Variants in WWOX observed in about 807,000 individuals in gnomAD.
WWOX encodes the protein WW domain containing oxidoreductase.
WWOX carries 69 observed loss-of-function variants against 46.2 expected under a neutral mutation model. The observed-to-expected ratio is 1.49, with a 90% CI of 1.23 to 1.82. The LOEUF is 1.82. Ranked by LOEUF, WWOX falls within the 40% of genes most tolerant of loss-of-function variation. The pLI is 0.00. For missense variants in WWOX, 919 were observed against 542.6 expected, an observed-to-expected ratio of 1.69 and a Z score of -6.89; for synonymous variants, 359 against 202.6, an observed-to-expected ratio of 1.77 and a Z score of -6.56.
chr16:78,396,500 C>A (rs1402120939), intron 6 of WWOX, among the ~76,000 whole-genome samples: 1 of 152,166 alleles, frequency 6.6e-6, no homozygotes, highest in African/African-American at 2.4e-5. Flanking sequence ...ACACAACTTT[C>A]CCTTCCATAG....
intron 8 of WWOX, among the ~76,000 whole-genome samples, chr16:78,785,088 C>G (rs776860041): frequency 1.3e-5 from 2 of 152,140 alleles, no homozygotes; most frequent in East Asian, 1.9e-4. Context: ...AGGGAATATA[C>G]TAACTGAGAA....
intron 6 of WWOX, among the ~76,000 whole-genome samples, chr16:78,421,068 A>G (rs9934210): frequency 0.088 from 13,418 of 152,180 alleles, 1,701 homozygotes; most frequent in African/African-American, 0.28. Context: ...TTTAGTTGAC[A>G]TGTCATTATG....
At chr16:79,191,639 G>T (rs920486630) in intron 8 of WWOX, among the ~76,000 whole-genome samples, 2 of 152,052 alleles carry the variant, frequency 1.3e-5, no homozygotes, top group African/African-American at 2.4e-5. Context: ...AATCCTAGCT[G>T]GACTGCAGTG....
At chr16:78,875,718 C>T (rs952908946) in intron 8 of WWOX, among the ~76,000 whole-genome samples, 3 of 152,304 alleles carry the variant, frequency 2.0e-5, no homozygotes, top group Middle Eastern at 3.4e-3. Flanking sequence ...TGGCAATTTC[C>T]TAGTCGATTA....
At chr16:78,578,241 T>C (rs1287772766) in intron 8 of WWOX, among the ~76,000 whole-genome samples, 3 of 126,726 alleles carry the variant, frequency 2.4e-5, no homozygotes, top group Non-Finnish European at 4.9e-5. Context: ...CAAATATATG[T>C]GCATACCAAA....
chr16:78,167,566 A>G (rs1470995244), intron 5 of WWOX: 1 of 152,166 alleles, frequency 6.6e-6, no homozygotes, highest in Non-Finnish European at 1.5e-5. Flanking sequence ...TTAAAATTAG[A>G]TTTGATAGGT....
chr16:78,733,066 C>A (rs971408909), intron 8 of WWOX, among the ~76,000 whole-genome samples: 32 of 152,114 alleles, frequency 2.1e-4, no homozygotes, highest in Non-Finnish European at 2.8e-4. Flanking sequence ...AATGTAAAAC[C>A]ATGTTCCCCA....
chr16:78,823,677 G>T (rs1337924303), intron 8 of WWOX, among the ~76,000 whole-genome samples: 1 of 152,100 alleles, frequency 6.6e-6, no homozygotes, highest in African/African-American at 2.4e-5. Flanking sequence ...GTGCAAATGT[G>T]TGCATTTAAG....
intron 5 of WWOX, among the ~76,000 whole-genome samples, chr16:78,212,794 G>A (rs913668756): frequency 1.8e-4 from 28 of 152,262 alleles, no homozygotes; most frequent in African/African-American, 6.7e-4. Flanking sequence ...GAAAGACATG[G>A]AACACAGGAT....
intron 5 of WWOX, among the ~76,000 whole-genome samples, chr16:78,285,447 T>A (rs12920312): frequency 0.3 from 44,636 of 149,292 alleles, 6,856 homozygotes; most frequent in East Asian, 0.51. Flanking sequence ...AAATAAAAAC[T>A]AAAAAAAAAA....
At chr16:79,040,738 C>T (rs1445376200) in intron 8 of WWOX, among the ~76,000 whole-genome samples, 1 of 152,098 alleles carries the variant, frequency 6.6e-6, no homozygotes, top group Non-Finnish European at 1.5e-5. Context: ...ACAGAGATCC[C>T]CCTAGACTTG....
intron 8 of WWOX, among the ~76,000 whole-genome samples, chr16:78,601,712 A>G (rs373970300): frequency 6.6e-6 from 1 of 152,230 alleles, no homozygotes; most frequent in Non-Finnish European, 1.5e-5. Context: ...TAATCAGCAG[A>G]AGTCTTTTCT....
intron 8 of WWOX, among the ~76,000 whole-genome samples, chr16:78,990,970 C>G (rs760858705): frequency 9.2e-5 from 14 of 152,224 alleles, no homozygotes; most frequent in African/African-American, 1.9e-4. Flanking sequence ...TGTCTTCAGA[C>G]CAAAACCCTG....
At position 78,960,552 on chromosome 16, in the gene WWOX, A is replaced by G. The variant is rs111628739; in HGVS notation, c.1057-251056A>G. ...CCCCAGAAGGAAATATCTCCACAAG[A>G]GAGCAGGTATTTATTGAGTTATGAC... On this transcript the variant is annotated intron_variant, in intron 8 of 8. Transcript: ENST00000566780. Among the ~76,000 whole-genome samples, 169 of 152,326 alleles carry G rather than the reference A, an allele frequency of 1.1e-3. 1 individual carries two copies. Among genetic ancestry groups the G allele is most frequent in the African/African-American group, 3.8e-3 (159 of 41,572 alleles).
chr16:78,292,058 T>G (rs72790082), intron 5 of WWOX, among the ~76,000 whole-genome samples: 8,323 of 150,496 alleles, frequency 0.055, 432 homozygotes, highest in Admixed American at 0.16. Flanking sequence ...GAGGATGATT[T>G]TTACCTTTTT....
chr16:78,435,020 A>G (rs2083303252), intron 8 of WWOX, among the ~76,000 whole-genome samples: 1 of 152,234 alleles, frequency 6.6e-6, no homozygotes, highest in Admixed American at 6.5e-5. Context: ...CAGACTTGAA[A>G]GTTGGCTGGT....
chr16:78,700,588 C>T (rs1484608031), intron 8 of WWOX, among the ~76,000 whole-genome samples: 7 of 152,182 alleles, frequency 4.6e-5, no homozygotes, highest in African/African-American at 1.7e-4. Context: ...CCCACCAGGT[C>T]CAAGGAAGGG....
chr16:78,124,917 C>T (rs1340779259), intron 4 of WWOX, among the ~76,000 whole-genome samples: 2 of 152,126 alleles, frequency 1.3e-5, no homozygotes, highest in African/African-American at 4.8e-5. Flanking sequence ...ATTTCAGTGT[C>T]TCTACTATTT....
chr16:78,486,327 C>G (rs1313124532), intron 8 of WWOX, among the ~76,000 whole-genome samples: 1 of 152,208 alleles, frequency 6.6e-6, no homozygotes, highest in Non-Finnish European at 1.5e-5. Context: ...TAAATAACCT[C>G]ATGAGCATAG....
Sources: gnomAD v4.1 joint callset for allele counts (sites outside exome capture counted in the v4.1 genomes callset) on GRCh38, gnomAD v4.1.1 for gene constraint, MANE v1.5 for transcripts, NCBI Gene and HGNC (gene_info 2026-07-23, HGNC 2026-07-21) for gene names.